CDK14: variants seen among roughly 807,000 people sequenced by gnomAD.
CDK14 encodes cyclin dependent kinase 14, also known as cyclin-dependent kinase 14.
A neutral mutation model predicts 60.7 loss-of-function variants in CDK14; 34 were observed. The observed-to-expected ratio is 0.56, with a 90% CI of 0.43 to 0.75. The LOEUF (loss-of-function observed/expected upper bound fraction) is 0.75. CDK14 is among the 30% of genes least tolerant of loss of function. The pLI is 0.00. For missense variants in CDK14, 482 were observed against 564.1 expected, an observed-to-expected ratio of 0.85 and a Z score of 1.47; for synonymous variants, 197 against 203.7, an observed-to-expected ratio of 0.97 and a Z score of 0.28.
At chr7:90,924,321 C>T (rs537747459) in intron 8 of CDK14, among the ~76,000 whole-genome samples, 1 of 152,316 alleles carries the variant, frequency 6.6e-6, no homozygotes, top group South Asian at 2.1e-4. Flanking sequence ...GAAGGGAGAA[C>T]CCTCAAGACC....
At chr7:90,700,696 A>T (rs1801765405) in intron 2 of CDK14, among the ~76,000 whole-genome samples, 1 of 152,062 alleles carries the variant, frequency 6.6e-6, no homozygotes, top group African/African-American at 2.4e-5. Flanking sequence ...TTACTTATTG[A>T]ATTCTCTGTG....
At chr7:90,649,325 C>T (rs1247208442) in intron 2 of CDK14, among the ~76,000 whole-genome samples, 1,092 of 38,942 alleles carry the variant, frequency 0.028, 12 homozygotes, top group East Asian at 0.085. Flanking sequence ...TCCTTCCTTC[C>T]TTCCTTCCTT....
chr7:90,718,993 G>A (rs1802347809), intron 2 of CDK14, among the ~76,000 whole-genome samples: 1 of 152,070 alleles, frequency 6.6e-6, no homozygotes, highest in South Asian at 2.1e-4. Flanking sequence ...TCTGGGAGAG[G>A]TAGTACTACG....
intron 11 of CDK14, among the ~76,000 whole-genome samples, chr7:91,076,648 A>G (rs972472416): frequency 2.0e-4 from 30 of 152,334 alleles, no homozygotes; most frequent in Middle Eastern, 3.4e-3. Flanking sequence ...AAATTGACAA[A>G]TGGGATCTAA....
intron 10 of CDK14, among the ~76,000 whole-genome samples, chr7:91,043,246 G>A (rs1388700838): frequency 1.3e-5 from 2 of 152,228 alleles, no homozygotes; most frequent in Non-Finnish European, 2.9e-5. Flanking sequence ...AACAGAGGCA[G>A]CCAGGAAAAC....
chr7:90,620,927 G>C (rs555208158), intron 2 of CDK14, among the ~76,000 whole-genome samples: 12 of 152,272 alleles, frequency 7.9e-5, no homozygotes, highest in African/African-American at 2.6e-4. Flanking sequence ...CATCACAGTG[G>C]CCTTGCTATG....
chr7:91,035,205 G>A (rs1292234599), intron 10 of CDK14, among the ~76,000 whole-genome samples: 1 of 152,062 alleles, frequency 6.6e-6, no homozygotes, highest in Non-Finnish European at 1.5e-5. Flanking sequence ...GTAAATATAT[G>A]GGCATCTGTG....
At chr7:91,109,581 A>G (rs912760933) in intron 12 of CDK14, among the ~76,000 whole-genome samples, 2 of 152,164 alleles carry the variant, frequency 1.3e-5, no homozygotes, top group Non-Finnish European at 2.9e-5. Context: ...TGCAGAATTA[A>G]TCTGGTAGCA....
chr7:90,899,689 G>A (rs1005830201), intron 7 of CDK14, among the ~76,000 whole-genome samples: 1 of 152,050 alleles, frequency 6.6e-6, no homozygotes, highest in African/African-American at 2.4e-5. Context: ...CCATACTGAT[G>A]TACCAGTTGG....
At chr7:90,861,456 G>A (rs1411828018) in intron 5 of CDK14, among the ~76,000 whole-genome samples, 2 of 152,182 alleles carry the variant, frequency 1.3e-5, no homozygotes, top group Non-Finnish European at 2.9e-5. Context: ...GTACAGGGGT[G>A]TGGAGGACTT....
At chr7:90,732,437 C>G (rs1379314073) in intron 3 of CDK14, among the ~76,000 whole-genome samples, 2 of 152,154 alleles carry the variant, frequency 1.3e-5, no homozygotes, top group Admixed American at 6.5e-5. Context: ...CTTTGTACCT[C>G]TGGTAGAATT....
intron 6 of CDK14, among the ~76,000 whole-genome samples, chr7:90,886,086 C>A (rs1164167992): frequency 1.3e-5 from 2 of 152,104 alleles, no homozygotes; most frequent in East Asian, 3.9e-4. Context: ...AAACAAATTC[C>A]ATCAATGATT....
At chr7:90,922,183 C>T (rs1793273507) in intron 8 of CDK14, among the ~76,000 whole-genome samples, 1 of 152,136 alleles carries the variant, frequency 6.6e-6, no homozygotes, top group African/African-American at 2.4e-5. Context: ...TTAGATATAA[C>T]TTAGCTCATT....
chr7:91,003,109 A>G (rs776963588), intron 10 of CDK14, among the ~76,000 whole-genome samples: 4 of 152,152 alleles, frequency 2.6e-5, no homozygotes, highest in Non-Finnish European at 4.4e-5. Flanking sequence ...TATCTAAGTC[A>G]TAGCTCTTAA....
chr7:91,183,192 C>G (rs1166211150), intron 14 of CDK14, among the ~76,000 whole-genome samples: 1 of 152,092 alleles, frequency 6.6e-6, no homozygotes, highest in Non-Finnish European at 1.5e-5. Flanking sequence ...AAAACTAAAC[C>G]CAGGCTGGGG....
chr7:90,610,690 C>T (rs1277756922), intron 2 of CDK14, among the ~76,000 whole-genome samples: 1 of 152,176 alleles, frequency 6.6e-6, no homozygotes, highest in Non-Finnish European at 1.5e-5. Flanking sequence ...TACCTTCTCC[C>T]TGTGTCTTTT....
chr7:90,771,908 C>T (rs1380431330), intron 4 of CDK14, among the ~76,000 whole-genome samples: 1 of 152,206 alleles, frequency 6.6e-6, no homozygotes, highest in Non-Finnish European at 1.5e-5. Context: ...CCTCCTATTG[C>T]TATCAACAGT....
intron 12 of CDK14, among the ~76,000 whole-genome samples, chr7:91,087,308 C>T (rs1015750539): frequency 6.6e-6 from 1 of 151,938 alleles, no homozygotes; most frequent in Non-Finnish European, 1.5e-5. Flanking sequence ...GTCTTACTGA[C>T]CTAAGAATAT....
intron 10 of CDK14, among the ~76,000 whole-genome samples, chr7:91,015,803 G>C (rs1009416140): frequency 2.0e-5 from 3 of 151,610 alleles, no homozygotes; most frequent in East Asian, 1.9e-4. Context: ...AAAAAAAAAG[G>C]CATATAAACA....
Sources: gnomAD v4.1 joint callset for allele counts (sites outside exome capture counted in the v4.1 genomes callset) on GRCh38, gnomAD v4.1.1 for gene constraint, MANE v1.5 for transcripts, NCBI Gene and HGNC (gene_info 2026-07-23, HGNC 2026-07-21) for gene names.